Variants in CAMTA1 observed in about 807,000 individuals in gnomAD.
CAMTA1 encodes calmodulin binding transcription activator 1.
Under a neutral mutation model 170.9 loss-of-function variants are expected in CAMTA1, and 27 were observed. The ratio of observed to expected loss-of-function variants is 0.16; its 90% confidence interval spans 0.12 to 0.22. CAMTA1 has a LOEUF of 0.22. CAMTA1 is among the 10% of genes least tolerant of loss of function. The pLI is 1.00. For missense variants in CAMTA1, 1,619 were observed against 2,217.2 expected, an observed-to-expected ratio of 0.73 and a Z score of 5.42; for synonymous variants, 833 against 891.5, an observed-to-expected ratio of 0.93 and a Z score of 1.17.
chr1:6,900,035 C>G (rs910465826), intron 3 of CAMTA1, among the ~76,000 whole-genome samples: 1 of 152,194 alleles, frequency 6.6e-6, no homozygotes, highest in Non-Finnish European at 1.5e-5. Context: ...TGTCAACAGC[C>G]CCACTCCCTG....
chr1:7,747,717 C>T lies in CAMTA1; in HGVS notation c.4625C>T (p.Pro1542Leu), dbSNP rs764396173. 1.2e-6 allele frequency: 2 copies of T among 1,608,496 alleles called. No homozygotes were observed. The highest frequency in any genetic ancestry group is 1.7e-5 in the Admixed American group (1 of 59,170). ...CCTTACTTTACCCTTAAGGGCCGACCCTTGCGGGAACAGCAAGAAGTAGCT... is the reference window on the plus strand; with the variant it reads ...CCTTACTTTACCCTTAAGGGCCGACTCTTGCGGGAACAGCAAGAAGTAGCT... ...QTAFRKYKGR[P>L]LREQQEVAAA... Residue 1542 changes from proline to leucine, a missense_variant, in exon 19 of 23, where the codon CCC becomes CTC. Pro to Leu is a moderately conservative substitution (Grantham distance 98). Around this residue, in one of 8 missense-constraint regions of CAMTA1, gnomAD observed 128 missense variants for 213.5 expected, o/e 0.60. Coordinates refer to ENST00000303635, the MANE Select transcript of CAMTA1 (RefSeq NM_015215.4).
intron 3 of CAMTA1, chr1:6,886,186 C>T: frequency 6.6e-6 from 3 of 455,406 alleles, no homozygotes; most frequent in Non-Finnish European, 1.3e-5. Flanking sequence ...AAAATGTAAA[C>T]TTAATAAGTG....
rs554442197 is a variant in CAMTA1 at position 7,125,123 on chromosome 1, C to T, written c.302+33752C>T. On this transcript the variant is annotated intron_variant, in intron 4 of 22. Transcript: ENST00000303635. Reference sequence around the variant, plus strand: ...CCCTGAGTAGAGTTCCAGGAAGCAACGCCTCTGCATCTACACCGTGTTAAG... The same window carrying T: ...CCCTGAGTAGAGTTCCAGGAAGCAATGCCTCTGCATCTACACCGTGTTAAG... Among the ~76,000 whole-genome samples, 3 of 151,840 alleles carry T rather than the reference C, an allele frequency of 2.0e-5. No homozygotes were observed. In the East Asian group the frequency reaches 5.8e-4, roughly 30 times the overall value.
At chr1:7,581,019 C>T (rs141669327) in intron 6 of CAMTA1, among the ~76,000 whole-genome samples, 88 of 152,346 alleles carry the variant, frequency 5.8e-4, no homozygotes, top group Admixed American at 9.8e-4. Context: ...ACCACACATA[C>T]GTGGTTTTTG....
At chr1:7,596,889 A>G (rs1436981255) in intron 6 of CAMTA1, among the ~76,000 whole-genome samples, 3 of 150,112 alleles carry the variant, frequency 2.0e-5, no homozygotes, top group South Asian at 4.3e-4. Flanking sequence ...GAGTGACAAG[A>G]TGACAGACAT....
At chr1:7,623,118 A>T (rs574606978) in intron 6 of CAMTA1, among the ~76,000 whole-genome samples, 2 of 152,186 alleles carry the variant, frequency 1.3e-5, no homozygotes, top group African/African-American at 4.8e-5. Flanking sequence ...ATACCACTTC[A>T]TGCCATCCAG....
At chr1:7,148,196 C>T (rs1029993733) in intron 4 of CAMTA1, among the ~76,000 whole-genome samples, 2 of 150,058 alleles carry the variant, frequency 1.3e-5, no homozygotes, top group Non-Finnish European at 3.0e-5. Context: ...CTCACATATG[C>T]ACCATGTAGA....
intron 11 of CAMTA1, among the ~76,000 whole-genome samples, chr1:7,716,770 G>C (rs1049004366): frequency 6.6e-6 from 1 of 152,108 alleles, no homozygotes; most frequent in Non-Finnish European, 1.5e-5. Context: ...CCACCACTGC[G>C]TCTGTAGCCA....
At chr1:6,826,755 C>CTG (rs1320110980) in intron 3 of CAMTA1, among the ~76,000 whole-genome samples, 1 of 152,092 alleles carries the variant, frequency 6.6e-6, no homozygotes, top group Non-Finnish European at 1.5e-5. Context: ...TTTATTTTAA[C>CTG]TATGATTTGA....
At chr1:7,296,531 C>G (rs932502671) in intron 5 of CAMTA1, among the ~76,000 whole-genome samples, 1 of 152,080 alleles carries the variant, frequency 6.6e-6, no homozygotes, top group Non-Finnish European at 1.5e-5. Flanking sequence ...GCTAGAACTT[C>G]TTGATAATTT....
chr1:7,331,428 A>G (rs2083031067), intron 5 of CAMTA1, among the ~76,000 whole-genome samples: 1 of 152,174 alleles, frequency 6.6e-6, no homozygotes, highest in East Asian at 1.9e-4. Context: ...TCCTTATTGC[A>G]TTCTTTTGAT....
intron 5 of CAMTA1, among the ~76,000 whole-genome samples, chr1:7,420,843 C>T (rs916706821): frequency 6.6e-6 from 1 of 152,174 alleles, no homozygotes; most frequent in African/African-American, 2.4e-5. Context: ...TCAGCTGGGT[C>T]CTGAGGGGCA....
At position 7,423,693 on chromosome 1, in the gene CAMTA1, C is replaced by T. The variant is rs980277362; in HGVS notation, c.439-44137C>T. On this transcript the variant is annotated intron_variant, in intron 5 of 22. Transcript: ENST00000303635. ...ATCAGTTTTTCTTACCAATAAAATG[C>T]GCAACGACTTCCCTTGCTTACCTCC... Among the ~76,000 whole-genome samples, 5 of 152,034 alleles carry T rather than the reference C, an allele frequency of 3.3e-5. No individual in the cohort carries two copies. In the South Asian group the frequency reaches 1.0e-3, roughly 32 times the overall value.
chr1:6,982,630 A>G (rs560106023), intron 3 of CAMTA1, among the ~76,000 whole-genome samples: 197 of 152,022 alleles, frequency 1.3e-3, no homozygotes, highest in Non-Finnish European at 2.2e-3. Flanking sequence ...CCTTCCCCAA[A>G]GTCACAGGCA....
intron 4 of CAMTA1, chr1:7,142,046 C>T (rs973668666): frequency 5.8e-5 from 30 of 514,412 alleles, no homozygotes; most frequent in African/African-American, 5.8e-4. Context: ...TTCCTCTGTG[C>T]TGGGAAGGGC....
intron 5 of CAMTA1, among the ~76,000 whole-genome samples, chr1:7,419,796 CA>C (rs1189107185): frequency 1.3e-5 from 2 of 152,182 alleles, no homozygotes; most frequent in Non-Finnish European, 2.9e-5. Context: ...TCCAGCCATT[CA>C]GCCAAAATCA....
intron 3 of CAMTA1, among the ~76,000 whole-genome samples, chr1:7,006,516 C>T (rs1039118886): frequency 6.6e-6 from 1 of 152,056 alleles, no homozygotes; most frequent in African/African-American, 2.4e-5. Flanking sequence ...GGCCTGGGTT[C>T]AGAATATTAG....
At chr1:7,104,257 A>C (rs1203133844) in intron 4 of CAMTA1, among the ~76,000 whole-genome samples, 1 of 135,940 alleles carries the variant, frequency 7.4e-6, no homozygotes, top group African/African-American at 2.7e-5. Flanking sequence ...ACACACATAC[A>C]CACAACTACA....
chr1:7,276,303 A>ATATATAATTT, intron 5 of CAMTA1, among the ~76,000 whole-genome samples: 1 of 24,230 alleles, frequency 4.1e-5, no homozygotes, highest in African/African-American at 3.0e-4. Context: ...ATATATATAT[A>ATATATAATTT]TTTTTTTTTT....
Sources: gnomAD v4.1 joint callset for allele counts (sites outside exome capture counted in the v4.1 genomes callset) on GRCh38, gnomAD v4.1.1 for gene constraint, gnomAD v4.1.1 regional missense constraint, MANE v1.5 for transcripts, NCBI Gene and HGNC (gene_info 2026-07-23, HGNC 2026-07-21) for gene names.